Variants in RPS11 observed in about 807,000 individuals in gnomAD.
RPS11 encodes small ribosomal subunit protein uS17.
For synonymous variants in RPS11, 107 were observed against 78.0 expected, an observed-to-expected ratio of 1.37 and a Z score of -1.96; for missense variants, 127 against 211.4, an observed-to-expected ratio of 0.60 and a Z score of 2.48.
At chr19:49,496,619 C>T (rs887976111) in intron 1 of RPS11, 148 bp downstream of exon 1, 3 of 849,508 alleles carry the variant, frequency 3.5e-6, no homozygotes, top group East Asian at 2.8e-5. Context: ...GTGGAGGGCG[C>T]TTGCTTTTGT....
Position 49,499,501 on chromosome 19 carries a change from T to G in RPS11, c.354-11T>G, listed in dbSNP as rs777328029. 1 of 1,611,922 alleles carries G rather than the reference T, an allele frequency of 6.2e-7. No homozygotes were observed. The highest frequency in any genetic ancestry group is 8.5e-7 in the Non-Finnish European group (1 of 1,178,326). On this transcript the variant is annotated splice_polypyrimidine_tract_variant and intron_variant, in intron 4 of 4. Coordinates refer to ENST00000270625, the MANE Select transcript of RPS11 (RefSeq NM_001015.5). ...CCCCTCCTGAGGACATGGCCCTACC[T>G]GCCTCCACAGGGACGTCCAGATCGG...
chr19:49,499,675 ATT>A lies in RPS11; in HGVS notation c.*43_*44del. On this transcript the variant is annotated 3_prime_UTR_variant, in exon 5 of 5. Transcript: ENST00000270625. ...CCGCTCCCCACAATGAAATAAAGTT[ATT>A]TTCTCATTCCCAGGCCAGACTTGGG... 6.3e-7 allele frequency: 1 copy of A among 1,592,916 alleles called. No individual in the cohort carries two copies. Among genetic ancestry groups the A allele is most frequent in the South Asian group, 1.1e-5 (1 of 89,884 alleles).
chr19:49,499,705 C>T lies in RPS11; in HGVS notation c.*70C>T. ...CTCATTCCCAGGCCAGACTTGGGAT[C>T]TTCCGCGCCTTTACCAGAGCATTGG... is the stretch of plus-strand genomic sequence containing the variant. On this transcript the variant is annotated 3_prime_UTR_variant, in exon 5 of 5. Coordinates refer to ENST00000270625, the MANE Select transcript of RPS11 (RefSeq NM_001015.5). The T allele has an allele frequency of 6.4e-6, 10 of 1,558,024 alleles. No individual in the cohort carries two copies. The Middle Eastern group carries it at 7.0e-4, about 109-fold the overall frequency.
chr19:49,498,578 CCTCT>C (rs966738875), intron 4 of RPS11, among the ~76,000 whole-genome samples: 78 of 152,116 alleles, frequency 5.1e-4, no homozygotes, highest in African/African-American at 1.8e-3. Context: ...ATGGCAAAAC[CCTCT>C]CTCTACAAAA....
At chr19:49,499,076 G>A (rs1488387198) in intron 4 of RPS11, among the ~76,000 whole-genome samples, 1 of 152,172 alleles carries the variant, frequency 6.6e-6, no homozygotes, top group African/African-American at 2.4e-5. Context: ...AGCTGATATT[G>A]GTGGCCCTCT....
intron 3 of RPS11, 105 bp downstream of exon 3, chr19:49,497,700 C>T (rs576237562): frequency 8.3e-7 from 1 of 1,203,002 alleles, no homozygotes; most frequent in East Asian, 2.3e-5. Flanking sequence ...GGAATGCAAA[C>T]TTGTAGGTCC....
At position 49,497,279 on chromosome 19, in the gene RPS11, C is replaced by T. The variant is rs1391996806; in HGVS notation, c.101C>T (p.Pro34Leu). ...GGAGAAACTGGCAAGGAGAAGCTCC[C>T]GCGGTACTACAAGAACATCGGTCTG... ...LLGETGKEKLPRYYKNIGLGF... is the reference protein window; with the variant it reads ...LLGETGKEKLLRYYKNIGLGF... Residue 34 changes from proline (P) to leucine (L), a missense_variant, in exon 2 of 5, where the codon CCG (proline) becomes CTG (leucine). Physicochemically the swap from Pro to Leu is moderately conservative, Grantham distance 98. Coordinates refer to ENST00000270625, the MANE Select transcript of RPS11 (RefSeq NM_001015.5). 1 of 1,613,984 alleles carries T rather than the reference C, an allele frequency of 6.2e-7. No homozygotes were observed. The highest frequency in any genetic ancestry group is 1.7e-5 in the Admixed American group (1 of 59,996).
chr19:49,499,695 G>C lies in RPS11; in HGVS notation c.*60G>C. On this transcript the variant is annotated 3_prime_UTR_variant, in exon 5 of 5. Transcript: ENST00000270625. Reference sequence around the variant, plus strand: ...AAGTTATTTTCTCATTCCCAGGCCAGACTTGGGATCTTCCGCGCCTTTACC... The same window carrying C: ...AAGTTATTTTCTCATTCCCAGGCCACACTTGGGATCTTCCGCGCCTTTACC... 1.3e-6 allele frequency: 2 copies of C among 1,582,038 alleles called. No individual in the cohort carries two copies. The highest frequency in any genetic ancestry group is 1.7e-6 in the Non-Finnish European group (2 of 1,158,786).
chr19:49,498,145 G>A, intron 4 of RPS11, 99 bp downstream of exon 4: 3 of 1,343,924 alleles, frequency 2.2e-6, no homozygotes, highest in East Asian at 2.3e-5. Context: ...GGGAAAGACT[G>A]AGGTGGCATC....
At chr19:49,498,870 C>T (rs1024855171) in intron 4 of RPS11, among the ~76,000 whole-genome samples, 2 of 152,160 alleles carry the variant, frequency 1.3e-5, no homozygotes, top group East Asian at 3.8e-4. Context: ...AGATGGGAAC[C>T]TCAGAAATGT....
At chr19:49,497,489 G>A (rs1342006126) in intron 2 of RPS11, 31 bp from the exon 3 acceptor site, 1 of 1,610,068 alleles carries the variant, frequency 6.2e-7, no homozygotes, top group Admixed American at 1.7e-5. Context: ...CCCGCCCAAG[G>A]CTCACTCCTT....
rs879042546 is a variant in RPS11, at chr19:49,499,507, C to T, written c.354-5C>T. 6.2e-7 allele frequency: 1 copy of T among 1,612,762 alleles called. No individual in the cohort carries two copies. Among genetic ancestry groups the T allele is most frequent in the Non-Finnish European group, 8.5e-7 (1 of 1,178,984 alleles). Reference sequence around the variant, plus strand: ...CTGAGGACATGGCCCTACCTGCCTCCACAGGGACGTCCAGATCGGTGACAT... The same window carrying T: ...CTGAGGACATGGCCCTACCTGCCTCTACAGGGACGTCCAGATCGGTGACAT... On this transcript the variant is annotated splice_region_variant and splice_polypyrimidine_tract_variant and intron_variant, in intron 4 of 4. Coordinates refer to ENST00000270625, the MANE Select transcript of RPS11 (RefSeq NM_001015.5).
chr19:49,496,686 C>T (rs968539086), intron 1 of RPS11, among the ~76,000 whole-genome samples: 1 of 152,102 alleles, frequency 6.6e-6, no homozygotes, highest in South Asian at 2.1e-4. Context: ...GAGGCTCAAG[C>T]GTTTTAGGAC....
chr19:49,496,797 C>T (rs1310542099), intron 1 of RPS11, among the ~76,000 whole-genome samples: 5 of 152,010 alleles, frequency 3.3e-5, no homozygotes, highest in Admixed American at 2.6e-4. Context: ...ATCCAGGGAG[C>T]CTGCCGTCTG....
Position 49,499,532 on chromosome 19 carries a change from T to C in RPS11, c.374T>C (p.Ile125Thr). The C allele has an allele frequency of 6.2e-7, 1 of 1,613,594 alleles. No individual in the cohort carries two copies. The highest frequency in any genetic ancestry group is 8.5e-7 in the Non-Finnish European group (1 of 1,179,666). Residue 125 changes from isoleucine (I) to threonine (T), a missense_variant, in exon 5 of 5, where the codon ATC becomes ACC. By Grantham distance (89) the Ile-to-Thr change is moderately conservative. Coordinates refer to ENST00000270625, the MANE Select transcript of RPS11 (RefSeq NM_001015.5). ...CACAGGGACGTCCAGATCGGTGACATCGTCACAGTGGGCGAGTGCCGGCCT... is the reference window on the plus strand; with the variant it reads ...CACAGGGACGTCCAGATCGGTGACACCGTCACAGTGGGCGAGTGCCGGCCT... ...PCFRDVQIGD[I>T]VTVGECRPLS...
chr19:49,498,410 G>A (rs533246945), intron 4 of RPS11, among the ~76,000 whole-genome samples: 3 of 152,296 alleles, frequency 2.0e-5, no homozygotes, highest in Non-Finnish European at 2.9e-5. Context: ...CAAAGTTTGC[G>A]TACATTGAAC....
At chr19:49,496,712 C>T (rs1039026459) in intron 1 of RPS11, among the ~76,000 whole-genome samples, 2 of 152,082 alleles carry the variant, frequency 1.3e-5, no homozygotes, top group Non-Finnish European at 2.9e-5. Context: ...TTCTTAAAAA[C>T]CAAGTTTAAG....
intron 4 of RPS11, among the ~76,000 whole-genome samples, chr19:49,498,485 C>T (rs959354539): frequency 2.6e-5 from 4 of 152,200 alleles, no homozygotes; most frequent in Admixed American, 6.5e-5. Context: ...GGCACCGTGG[C>T]TCAAGCCAGT....
In RPS11 at chr19:49,498,053, G is replaced by T. The variant is rs367828292; in HGVS notation, c.353+7G>T. The T allele has an allele frequency of 6.2e-7, 1 of 1,611,970 alleles. No homozygotes were observed. The highest frequency in any genetic ancestry group is 1.7e-5 in the Admixed American group (1 of 60,006). On this transcript the variant is annotated splice_region_variant and intron_variant, in intron 4 of 4. Coordinates refer to ENST00000270625, the MANE Select transcript of RPS11 (RefSeq NM_001015.5). ...ACCTGTCCCCCTGCTTCAGGTGAGC[G>T]CAGTGGCCCATCAGGTTGCTCAGGC... is the stretch of plus-strand genomic sequence containing the variant.
Sources: allele counts gnomAD v4.1 joint callset (sites outside exome capture counted in the v4.1 genomes callset), GRCh38; gene constraint gnomAD v4.1.1; transcripts MANE v1.5; gene names NCBI Gene and HGNC (gene_info 2026-07-23, HGNC 2026-07-21).